The following CTNNA3 variants were observed in gnomAD, a reference collection of about 807,000 sequenced individuals.
CTNNA3 encodes the protein catenin alpha 3.
Under a neutral mutation model 95.7 loss-of-function variants are expected in CTNNA3, and 76 were observed. The observed-to-expected ratio is 0.79, with a 90% confidence interval of 0.66 to 0.96. The LOEUF (loss-of-function observed/expected upper bound fraction) is 0.96. Ranked by LOEUF, CTNNA3 falls within the 40% of genes least tolerant of loss-of-function variation. The pLI is 0.00. For missense variants in CTNNA3, 1,191 were observed against 1,089.8 expected (o/e 1.09, Z -1.31); for synonymous variants, 431 against 374.4 (o/e 1.15, Z -1.74).
At chr10:66,638,133 C>T (rs1295243229) in intron 9 of CTNNA3, among the ~76,000 whole-genome samples, 2 of 152,188 alleles carry the variant, frequency 1.3e-5, no homozygotes, top group African/African-American at 2.4e-5. Flanking sequence ...CTAAGCAATG[C>T]CATTCTAGGC....
rs542705614 is a variant in CTNNA3, at chr10:66,492,272, C to T, written c.1531+28345G>A. 8.6e-5 allele frequency among the ~76,000 whole-genome samples: 13 copies of T among 152,036 alleles called. No homozygotes were observed. In the South Asian group the frequency reaches 2.7e-3, roughly 32 times the overall value. On this transcript the variant is annotated intron_variant, in intron 11 of 17. Coordinates refer to ENST00000433211, the MANE Select transcript of CTNNA3 (RefSeq NM_013266.4). ...GAGGCCCAATTTCTAGTGAATTCAT[C>T]ATCTTCTTTATGCTTTTTGTTTTTG...
intron 10 of CTNNA3, among the ~76,000 whole-genome samples, chr10:66,521,909 G>A (rs992975690): frequency 1.3e-5 from 2 of 152,052 alleles, no homozygotes; most frequent in African/African-American, 2.4e-5. Flanking sequence ...AAATTCCATC[G>A]AAAGCTCTGC....
At chr10:67,577,720 G>A (rs745867845) in intron 3 of CTNNA3, among the ~76,000 whole-genome samples, 2,416 of 147,024 alleles carry the variant, frequency 0.016, 22 homozygotes, top group South Asian at 0.035. Flanking sequence ...GTGTGTGTGT[G>A]TGTATATATA....
At chr10:67,443,870 C>T (rs913293939) in intron 5 of CTNNA3, among the ~76,000 whole-genome samples, 1 of 151,986 alleles carries the variant, frequency 6.6e-6, no homozygotes, top group South Asian at 2.1e-4. Context: ...AAGTCTTTGC[C>T]CATGCCTATG....
intron 6 of CTNNA3, among the ~76,000 whole-genome samples, chr10:67,185,722 CA>C (rs1321195433): frequency 6.6e-6 from 1 of 151,786 alleles, no homozygotes; most frequent in African/African-American, 2.4e-5. Context: ...TGTTTCATAA[CA>C]AAAATTAAAC....
At position 67,131,133 on chromosome 10, in the gene CTNNA3, T is replaced by A. The variant is rs557188692; in HGVS notation, c.1047+49184A>T. Among the ~76,000 whole-genome samples, 4 of 152,240 alleles carry A rather than the reference T, an allele frequency of 2.6e-5. No individual in the cohort carries two copies. In the South Asian group the frequency reaches 8.3e-4, roughly 32 times the overall value. ...ACGCTTACCAACTCAGAACTCAGAA[T>A]ACACTATGCTCTCCCATGTCTCCTC... On this transcript the variant is annotated intron_variant, in intron 7 of 17. Coordinates refer to ENST00000433211, the MANE Select transcript of CTNNA3 (RefSeq NM_013266.4).
At chr10:67,104,605 G>T (rs1450752563) in intron 7 of CTNNA3, among the ~76,000 whole-genome samples, 2 of 151,876 alleles carry the variant, frequency 1.3e-5, no homozygotes, top group East Asian at 3.9e-4. Flanking sequence ...TAGTGTCTCA[G>T]GAGCTTTTTA....
At chr10:65,959,905 T>A (rs1326234804) in intron 17 of CTNNA3, among the ~76,000 whole-genome samples, 1 of 152,158 alleles carries the variant, frequency 6.6e-6, no homozygotes, top group Non-Finnish European at 1.5e-5. Context: ...GGTTCCAAGA[T>A]CCAGACAATG....
At chr10:66,574,920 T>A (rs1005104168) in intron 10 of CTNNA3, among the ~76,000 whole-genome samples, 3 of 152,052 alleles carry the variant, frequency 2.0e-5, no homozygotes, top group Non-Finnish European at 2.9e-5. Context: ...GGGTTGGATG[T>A]CCCAAGAAGC....
intron 5 of CTNNA3, among the ~76,000 whole-genome samples, chr10:67,259,529 T>A (rs1425665508): frequency 6.6e-6 from 1 of 152,208 alleles, no homozygotes; most frequent in African/African-American, 2.4e-5. Context: ...TTGGATCACT[T>A]TACAGAGTGA....
intron 11 of CTNNA3, among the ~76,000 whole-genome samples, chr10:66,418,556 GAC>G (rs57694585): frequency 3.5e-4 from 51 of 144,404 alleles, no homozygotes; most frequent in Non-Finnish European, 3.9e-4. Context: ...AGCACACAGG[GAC>G]ACACACACAC....
chr10:67,712,255 A>G (rs1434154563), intron 1 of CTNNA3, among the ~76,000 whole-genome samples: 1 of 152,226 alleles, frequency 6.6e-6, no homozygotes, highest in Non-Finnish European at 1.5e-5. Flanking sequence ...AAAAGCTTGG[A>G]AAATTTTCAG....
chr10:66,310,671 T>A (rs1301057810), intron 12 of CTNNA3, among the ~76,000 whole-genome samples: 1 of 151,096 alleles, frequency 6.6e-6, no homozygotes, highest in Admixed American at 6.6e-5. Context: ...AGCAATAATA[T>A]TTGTTTATAC....
At chr10:66,046,963 G>A (rs2079841410) in intron 15 of CTNNA3, among the ~76,000 whole-genome samples, 1 of 151,994 alleles carries the variant, frequency 6.6e-6, no homozygotes, top group African/African-American at 2.4e-5. Flanking sequence ...TCAACAAGGA[G>A]CTACAAAATT....
chr10:66,865,880 T>C (rs1232465142), intron 7 of CTNNA3, among the ~76,000 whole-genome samples: 1 of 152,108 alleles, frequency 6.6e-6, no homozygotes, highest in Non-Finnish European at 1.5e-5. Context: ...TATGCATTTT[T>C]TCAGGTGGTT....
chr10:66,667,274 A>C (rs1846488444), intron 9 of CTNNA3, among the ~76,000 whole-genome samples: 1 of 151,448 alleles, frequency 6.6e-6, no homozygotes, highest in African/African-American at 2.4e-5. Flanking sequence ...GGTTTTATCT[A>C]TTCCCGCCTG....
intron 7 of CTNNA3, among the ~76,000 whole-genome samples, chr10:67,123,925 T>C (rs962984636): frequency 1.3e-5 from 2 of 152,162 alleles, no homozygotes; most frequent in Non-Finnish European, 2.9e-5. Flanking sequence ...AGAGAAAAAC[T>C]AGAATCTAGC....
At chr10:67,471,204 C>T (rs1847809583) in intron 5 of CTNNA3, among the ~76,000 whole-genome samples, 1 of 152,122 alleles carries the variant, frequency 6.6e-6, no homozygotes, top group South Asian at 2.1e-4. Context: ...ACATCCCTGG[C>T]CTCTACATGG....
intron 13 of CTNNA3, among the ~76,000 whole-genome samples, chr10:66,159,986 G>A (rs1275130646): frequency 6.6e-6 from 1 of 151,970 alleles, no homozygotes; most frequent in African/African-American, 2.4e-5. Flanking sequence ...TAGCAGCCTT[G>A]AATGATCTTT....
Sources: gnomAD v4.1 joint callset for allele counts (sites outside exome capture counted in the v4.1 genomes callset) on GRCh38, gnomAD v4.1.1 for gene constraint, MANE v1.5 for transcripts, NCBI Gene and HGNC (gene_info 2026-07-23, HGNC 2026-07-21) for gene names.